The following ABCA9 variants were observed in gnomAD, a reference collection of about 807,000 sequenced individuals.
The protein encoded by ABCA9 is ATP-binding cassette sub-family A member 9.
ABCA9 carries 183 observed loss-of-function variants against 205.3 expected under a neutral mutation model. The observed-to-expected ratio is 0.89, with a 90% CI of 0.79 to 1.01. The LOEUF is 1.01. Ranked by LOEUF, ABCA9 falls within the 50% of genes least tolerant of loss-of-function variation. ABCA9 has a pLI of 0.00. For missense variants in ABCA9, 1,805 were observed against 1,912.4 expected, an observed-to-expected ratio of 0.94 and a Z score of 1.05; for synonymous variants, 651 against 683.3, an observed-to-expected ratio of 0.95 and a Z score of 0.74.
intron 35 of ABCA9, 79 bp from the exon 36 acceptor site, chr17:68,983,928 G>C (rs1801960128): frequency 6.2e-7 from 1 of 1,604,966 alleles, no homozygotes; most frequent in Non-Finnish European, 8.5e-7. Flanking sequence ...CTGGAGGCCA[G>C]AGTAAGGCCA....
chr17:69,051,223 G>GT, intron 1 of ABCA9, 84 bp from the exon 2 acceptor site: 2 of 1,216,064 alleles, frequency 1.6e-6, no homozygotes. Flanking sequence ...AAGAAACATT[G>GT]TAACAGCTGT....
intron 19 of ABCA9, among the ~76,000 whole-genome samples, chr17:69,018,971 A>G (rs1427777781): frequency 6.6e-6 from 1 of 152,118 alleles, no homozygotes; most frequent in African/African-American, 2.4e-5. Context: ...CCTGTTTCCA[A>G]TTTCTGTAAA....
At chr17:69,068,149 A>G in the ABCA9 span, among the ~76,000 whole-genome samples, 2 of 152,238 alleles carry the variant, frequency 1.3e-5, no homozygotes, top group Non-Finnish European at 2.9e-5. Context: ...CAGCCTTTTT[A>G]TAAACATTCA....
At chr17:69,016,978 CAA>C (rs993933612) in intron 21 of ABCA9, among the ~76,000 whole-genome samples, 13 of 152,016 alleles carry the variant, frequency 8.6e-5, no homozygotes, top group Non-Finnish European at 1.6e-4. Context: ...ATAAATAAAT[CAA>C]GTGTATTGTA....
chr17:69,053,515 G>C (rs2071973918), intron 1 of ABCA9, among the ~76,000 whole-genome samples: 1 of 152,114 alleles, frequency 6.6e-6, no homozygotes, highest in Admixed American at 6.6e-5. Context: ...ACTTCTAAGA[G>C]AGAACCAAAA....
At chr17:69,002,533 T>C (rs1452954504) in intron 25 of ABCA9, among the ~76,000 whole-genome samples, 1 of 150,934 alleles carries the variant, frequency 6.6e-6, no homozygotes, top group African/African-American at 2.5e-5. Flanking sequence ...AGAGCTTTAC[T>C]TCCAATTATG....
At chr17:69,038,361 TATCCACCATG>T (rs2071415439) in intron 6 of ABCA9, among the ~76,000 whole-genome samples, 1 of 152,162 alleles carries the variant, frequency 6.6e-6, no homozygotes, top group Admixed American at 6.6e-5. Context: ...TCAAAAAGTT[TATCCACCATG>T]ATCAACTTGG....
intron 37 of ABCA9, among the ~76,000 whole-genome samples, chr17:68,980,845 C>T (rs1329850536): frequency 6.6e-6 from 1 of 150,402 alleles, no homozygotes; most frequent in Non-Finnish European, 1.5e-5. Flanking sequence ...AGCACACCAA[C>T]ATGGCACATA....
chr17:69,006,447 C>T (rs2144164488), intron 25 of ABCA9, among the ~76,000 whole-genome samples: 1 of 152,280 alleles, frequency 6.6e-6, no homozygotes, highest in African/African-American at 2.4e-5. Context: ...ACTATTACAG[C>T]AATGAAAAGG....
intron 18 of ABCA9, among the ~76,000 whole-genome samples, chr17:69,021,021 A>C (rs2070790475): frequency 2.0e-5 from 3 of 152,174 alleles, no homozygotes; most frequent in Admixed American, 2.0e-4. Context: ...GTTAAAAGCA[A>C]GATAAAAGTT....
At chr17:69,057,281 T>C (rs2072096541) in intron 1 of ABCA9, among the ~76,000 whole-genome samples, 1 of 152,212 alleles carries the variant, frequency 6.6e-6, no homozygotes, top group Non-Finnish European at 1.5e-5. Context: ...ATTGTATTAT[T>C]GAAATCAATA....
chr17:68,982,126 CA>C (rs1450602150), intron 37 of ABCA9, among the ~76,000 whole-genome samples: 1 of 152,134 alleles, frequency 6.6e-6, no homozygotes, highest in Non-Finnish European at 1.5e-5. Flanking sequence ...TACATAGAGG[CA>C]AAAACCAAAT....
At chr17:69,076,877 T>A in the ABCA9 span, among the ~76,000 whole-genome samples, 1 of 152,172 alleles carries the variant, frequency 6.6e-6, no homozygotes, top group Non-Finnish European at 1.5e-5. Context: ...CATTTCTGAT[T>A]GTGCTTATTT....
chr17:68,992,795 A>AAGAGT (rs1228400944), intron 27 of ABCA9: 2 of 414,970 alleles, frequency 4.8e-6, no homozygotes, highest in African/African-American at 4.2e-5. Context: ...TCTGGGCAAC[A>AAGAGT]AGAGTGAAAC....
the ABCA9 span, among the ~76,000 whole-genome samples, chr17:69,075,929 C>T: frequency 1.6e-3 from 246 of 152,198 alleles, 1 homozygote; most frequent in African/African-American, 5.7e-3. Flanking sequence ...TTACAGAGAT[C>T]TTTCACCTCC....
intron 1 of ABCA9, among the ~76,000 whole-genome samples, chr17:69,058,869 T>A (rs1180151906): frequency 6.7e-6 from 1 of 148,810 alleles, no homozygotes; most frequent in Non-Finnish European, 1.5e-5. Context: ...TGAGACTGAG[T>A]AATTCATAAA....
chr17:69,057,890 A>G (rs532825050), intron 1 of ABCA9, among the ~76,000 whole-genome samples: 27 of 152,322 alleles, frequency 1.8e-4, no homozygotes, highest in Admixed American at 1.4e-3. Context: ...TTTACATAGA[A>G]TTTACATTGC....
Position 69,027,112 on chromosome 17 carries a change from A to T in ABCA9, c.1914T>A (p.Val638=), listed in dbSNP as rs574889728. The T allele has an allele frequency of 1.2e-6, 2 of 1,613,894 alleles. No individual in the cohort carries two copies. The highest frequency in any genetic ancestry group is 4.5e-5 in the East Asian group (2 of 44,886). The part of the protein sequence containing the change: ...FGIAILGDPQ[V]LLLDEPTAGL... ...CAGCAGTCGGTTCATCCAATAGCAA[A>T]ACCTGGACAGGAGGAAAGTCCTAAA... Residue 638 remains valine (V), a splice_region_variant and synonymous_variant, in exon 15 of 39, where the codon GTT becomes GTA. Coordinates refer to ENST00000340001, the MANE Select transcript of ABCA9 (RefSeq NM_080283.4).
intron 1 of ABCA9, among the ~76,000 whole-genome samples, chr17:69,059,418 G>A (rs981602324): frequency 6.6e-6 from 1 of 152,038 alleles, no homozygotes; most frequent in Non-Finnish European, 1.5e-5. Context: ...TCAGAGTGAG[G>A]CAGTAGAAGA....
Sources: gnomAD v4.1 joint callset for allele counts (sites outside exome capture counted in the v4.1 genomes callset) on GRCh38, gnomAD v4.1.1 for gene constraint, MANE v1.5 for transcripts, NCBI Gene and HGNC (gene_info 2026-07-23, HGNC 2026-07-21) for gene names.